TRAPPC9: variants seen among roughly 807,000 people sequenced by gnomAD.
TRAPPC9 encodes the protein trafficking protein particle complex subunit 9, also known as IKK2 binding protein.
In TRAPPC9, 83 loss-of-function variants were observed where a neutral mutation model predicts 124.0. The ratio of observed to expected loss-of-function variants is 0.67; its 90% CI spans 0.56 to 0.80. TRAPPC9 has a LOEUF of 0.80. Ranked by LOEUF, TRAPPC9 falls within the 30% of genes least tolerant of loss-of-function variation. The pLI, the probability that TRAPPC9 is intolerant of heterozygous loss-of-function variation, is 0.00. For synonymous variants in TRAPPC9, 638 were observed against 617.5 expected (o/e 1.03, Z -0.49); for missense variants, 1,302 against 1,508.3 (o/e 0.86, Z 2.27).
intron 17 of TRAPPC9, among the ~76,000 whole-genome samples, chr8:140,053,035 G>C (rs527417269): frequency 6.6e-6 from 1 of 152,142 alleles, no homozygotes. Context: ...TAAGTAAAGG[G>C]GAGGAAAAAG....
intron 16 of TRAPPC9, among the ~76,000 whole-genome samples, chr8:140,249,597 CTTTTTTT>C (rs35511380): frequency 3.9e-3 from 322 of 82,020 alleles, no homozygotes; most frequent in African/African-American, 0.016. Flanking sequence ...ATCTTTCACT[CTTTTTTT>C]TTTTTTTTTT....
At chr8:139,932,539 G>A (rs369447578) in intron 19 of TRAPPC9, 11 of 455,316 alleles carry the variant, frequency 2.4e-5, no homozygotes, top group South Asian at 4.7e-5. Flanking sequence ...GAGGCAGGTG[G>A]ATTGCCTGAG....
rs60453550 is a variant in TRAPPC9 at position 139,788,652 on chromosome 8, C to T, written c.3056-56450G>A. 0.11 allele frequency among the ~76,000 whole-genome samples: 16,248 copies of T among 152,168 alleles called. 1,139 individuals are homozygous for T. Among genetic ancestry groups the T allele is most frequent in the African/African-American group, 0.18 (7,632 of 41,510 alleles). On this transcript the variant is annotated intron_variant, in intron 21 of 22. Transcript: ENST00000438773. This position sits in a 1 kb window ranked among gnomAD's most constrained non-coding sequence, Gnocchi z 4.9. Reference sequence around the variant, plus strand: ...GTGTGAGATGCTGGCCCTGGGCACACGCTTTGTTCTCCCACCTCCCTCCTG... The same window carrying T: ...GTGTGAGATGCTGGCCCTGGGCACATGCTTTGTTCTCCCACCTCCCTCCTG...
chr8:139,826,550 C>A (rs1825657780), intron 21 of TRAPPC9, among the ~76,000 whole-genome samples: 1 of 152,108 alleles, frequency 6.6e-6, no homozygotes, highest in African/African-American at 2.4e-5. Context: ...GGAACCACGG[C>A]AGAGGCGGTG....
At chr8:140,017,434 C>T (rs1310805892) in intron 18 of TRAPPC9, among the ~76,000 whole-genome samples, 1 of 152,162 alleles carries the variant, frequency 6.6e-6, no homozygotes, top group Non-Finnish European at 1.5e-5. Flanking sequence ...TGTTTTTATT[C>T]CCCCACACAG....
Position 140,311,292 on chromosome 8 carries a change from G to C in TRAPPC9, c.1578C>G (p.Gly526=), listed in dbSNP as rs1440845605. The C allele has an allele frequency of 3.7e-6, 6 of 1,613,382 alleles. No homozygotes were observed. Among genetic ancestry groups the C allele is most frequent in the Non-Finnish European group, 5.1e-6 (6 of 1,180,022 alleles). ...GTMEPIALPG[G]LTLPPVPFTK... is the part of the protein sequence containing the mutation. ...TGAAGGGCACCGGTGGCAGGGTGAG[G>C]CCGCCAGGGAGGGCGATGGGCTCCA... The change falls in exon 10 of 23, where the codon GGC becomes GGG. Residue 526 remains glycine, a synonymous_variant. Transcript: ENST00000438773.
At chr8:140,217,019 G>A (rs142040604) in intron 17 of TRAPPC9, among the ~76,000 whole-genome samples, 1 of 152,282 alleles carries the variant, frequency 6.6e-6, no homozygotes, top group Non-Finnish European at 1.5e-5. Flanking sequence ...TTGTATGACA[G>A]CCCCCAACTC....
In TRAPPC9 at chr8:139,932,686, C is replaced by A. The variant is rs887058285; in HGVS notation, c.2811-22386G>T. 1.3e-5 allele frequency: 5 copies of A among 379,064 alleles called. 1 individual carries two copies. Among genetic ancestry groups the A allele is most frequent in the Non-Finnish European group, 1.6e-5 (3 of 190,460 alleles). 23.5% of individuals were successfully genotyped at this position (379,064 alleles called of 1,614,324 possible). The stretch of plus-strand genomic sequence containing the variant: ...GGCTGAGGCACGAGAATTGCCTGAA[C>A]CCCAGAGGTGGAGGTTGCAGTGAGC... On this transcript the variant is annotated intron_variant, in intron 19 of 22. Transcript: ENST00000438773.
At chr8:140,305,581 C>T (rs945402178) in intron 10 of TRAPPC9, among the ~76,000 whole-genome samples, 1 of 152,108 alleles carries the variant, frequency 6.6e-6, no homozygotes, top group Non-Finnish European at 1.5e-5. Context: ...ACATTACAGG[C>T]GTGAGCCACC....
intron 20 of TRAPPC9, among the ~76,000 whole-genome samples, chr8:139,886,933 G>A (rs1016952413): frequency 3.3e-4 from 50 of 152,328 alleles, no homozygotes; most frequent in African/African-American, 1.2e-3. Flanking sequence ...ATGGAGCAGA[G>A]GCTGAGCATT....
chr8:139,754,856 C>G (rs1220055149), intron 21 of TRAPPC9, among the ~76,000 whole-genome samples: 1 of 152,244 alleles, frequency 6.6e-6, no homozygotes, highest in Non-Finnish European at 1.5e-5. Flanking sequence ...TTGGCCCCAC[C>G]ACTTACTGAG....
intron 17 of TRAPPC9, among the ~76,000 whole-genome samples, chr8:140,162,657 A>G (rs1345075787): frequency 6.6e-6 from 1 of 152,194 alleles, no homozygotes; most frequent in Non-Finnish European, 1.5e-5. Context: ...TTGCACAGCA[A>G]TGTGAATGCG....
intron 17 of TRAPPC9, among the ~76,000 whole-genome samples, chr8:140,042,882 C>A (rs1392263849): frequency 2.0e-5 from 3 of 152,248 alleles, no homozygotes; most frequent in Non-Finnish European, 4.4e-5. Flanking sequence ...GCTGAGCCAG[C>A]AGTTGTGCCT....
chr8:140,197,645 A>ATTTGGGCCACAATCCAACCC (rs1189589764), intron 17 of TRAPPC9, among the ~76,000 whole-genome samples: 9 of 152,152 alleles, frequency 5.9e-5, no homozygotes, highest in Admixed American at 4.6e-4. Flanking sequence ...ACGTATTGAC[A>ATTTGGGCCACAATCCAACCC]TTTGGGCCAC....
intron 17 of TRAPPC9, among the ~76,000 whole-genome samples, chr8:140,214,922 G>A (rs776069630): frequency 1.3e-5 from 2 of 152,030 alleles, no homozygotes; most frequent in Non-Finnish European, 1.5e-5. Flanking sequence ...ACCATTCCTC[G>A]GTGATAGTTT....
At chr8:140,018,095 G>T (rs1026575882) in intron 18 of TRAPPC9, among the ~76,000 whole-genome samples, 1 of 151,618 alleles carries the variant, frequency 6.6e-6, no homozygotes, top group African/African-American at 2.4e-5. Flanking sequence ...CACCTGCCTC[G>T]GCCTCTCGAA....
intron 17 of TRAPPC9, among the ~76,000 whole-genome samples, chr8:140,134,946 G>A (rs1208648139): frequency 2.0e-5 from 3 of 152,146 alleles, no homozygotes; most frequent in Non-Finnish European, 4.4e-5. Context: ...TATTCAGAAT[G>A]TCTAAAGAAC....
intron 21 of TRAPPC9, among the ~76,000 whole-genome samples, chr8:139,837,503 C>T (rs958777297): frequency 6.6e-6 from 1 of 152,226 alleles, no homozygotes; most frequent in East Asian, 1.9e-4. Flanking sequence ...ACACGCTCCC[C>T]CACCAGCCCC....
chr8:140,452,183 A>G (rs532164276), intron 1 of TRAPPC9, among the ~76,000 whole-genome samples: 22 of 151,562 alleles, frequency 1.5e-4, no homozygotes, highest in African/African-American at 5.3e-4. Flanking sequence ...CACTTTGGGA[A>G]GCTGAGGCAG....
Sources: gnomAD v4.1 joint callset for allele counts (sites outside exome capture counted in the v4.1 genomes callset) on GRCh38, gnomAD v4.1.1 for gene constraint, Gnocchi (gnomAD v3.1) non-coding constraint, MANE v1.5 for transcripts, NCBI Gene and HGNC (gene_info 2026-07-23, HGNC 2026-07-21) for gene names.